Variants in EBF3 observed in about 807,000 individuals in gnomAD.
The protein encoded by EBF3 is transcription factor COE3.
A neutral mutation model predicts 77.1 loss-of-function variants in EBF3; 18 were observed. That is an observed-to-expected ratio of 0.23 (90% CI 0.16 to 0.35). The LOEUF (loss-of-function observed/expected upper bound fraction) is 0.35. Among genes scored for constraint, EBF3 ranks in the 10% least tolerant of loss-of-function variants. EBF3 has a pLI of 1.00. For synonymous variants in EBF3, 350 were observed against 343.5 expected, an observed-to-expected ratio of 1.02 and a Z score of -0.21; for missense variants, 558 against 860.0, an observed-to-expected ratio of 0.65 and a Z score of 4.39.
chr10:129,886,727 T>C (rs1853614192), intron 6 of EBF3, among the ~76,000 whole-genome samples: 1 of 152,172 alleles, frequency 6.6e-6, no homozygotes, highest in South Asian at 2.1e-4. Context: ...CAGAGCTGAC[T>C]GGGTTTCTTT....
At chr10:129,942,360 A>C (rs2134498120) in intron 6 of EBF3, among the ~76,000 whole-genome samples, 1 of 152,374 alleles carries the variant, frequency 6.6e-6, no homozygotes, top group East Asian at 1.9e-4. Flanking sequence ...CCAAAATCAC[A>C]AAAACAAGAA....
chr10:129,840,461 G>A lies in EBF3; in HGVS notation c.1562-19C>T, dbSNP rs1233718188. 10 of 1,546,484 alleles carry A rather than the reference G, an allele frequency of 6.5e-6. 1 individual carries two copies. The highest frequency in any genetic ancestry group is 1.7e-4 in the Middle Eastern group (1 of 5,904). On this transcript the variant is annotated intron_variant, in intron 14 of 16. Coordinates refer to ENST00000440978, the MANE Select transcript of EBF3 (RefSeq NM_001375380.1). Reference sequence around the variant, plus strand: ...GGCACTACTGCAACAAAGCAAACACGGTCAGCACGCGCGGCCGCGGCACAG... The same window carrying A: ...GGCACTACTGCAACAAAGCAAACACAGTCAGCACGCGCGGCCGCGGCACAG...
At chr10:129,888,072 G>C (rs1250317978) in intron 6 of EBF3, among the ~76,000 whole-genome samples, 1 of 152,226 alleles carries the variant, frequency 6.6e-6, no homozygotes, top group East Asian at 1.9e-4. Flanking sequence ...AAAAGGACTT[G>C]AATTTCTTGC....
At chr10:129,865,873 T>C (rs886666136) in intron 10 of EBF3, among the ~76,000 whole-genome samples, 2 of 152,178 alleles carry the variant, frequency 1.3e-5, no homozygotes, top group African/African-American at 4.8e-5. Context: ...CAGGTGGTGA[T>C]GGCAGGAGTT....
intron 8 of EBF3, among the ~76,000 whole-genome samples, chr10:129,872,724 T>C (rs1852487716): frequency 1.3e-5 from 2 of 152,204 alleles, no homozygotes; most frequent in Non-Finnish European, 2.9e-5. Flanking sequence ...GAAGTGGCTC[T>C]TATTCTAAAG....
chr10:129,863,843 C>G lies in EBF3; in HGVS notation c.1039+3298G>C, dbSNP rs374212806. 4.6e-5 allele frequency among the ~76,000 whole-genome samples: 7 copies of G among 152,300 alleles called. No individual in the cohort carries two copies. The South Asian group carries it at 1.5e-3, about 32-fold the overall frequency. On this transcript the variant is annotated intron_variant, in intron 10 of 16. Transcript: ENST00000440978. The surrounding 1 kb of genome is among the most constrained non-coding windows in gnomAD (Gnocchi z 4.0). The stretch of plus-strand genomic sequence containing the variant: ...TGTAGAGCCTGTATCCCTTACATCA[C>G]CTTTGAAATGGATATTCCTGTTAAT...
rs1387657273 is a variant in EBF3 at position 129,897,523 on chromosome 10, T to C, written c.555-19674A>G. Reference sequence around the variant, plus strand: ...AGACCTAACAAACAGAGGCAACACCTATGCAGGAACTTCCTGGGAAAATAC... The same window carrying C: ...AGACCTAACAAACAGAGGCAACACCCATGCAGGAACTTCCTGGGAAAATAC... On this transcript the variant is annotated intron_variant, in intron 6 of 16. Transcript: ENST00000440978. The surrounding 1 kb of genome is among the most constrained non-coding windows in gnomAD (Gnocchi z 4.6). 6.6e-6 allele frequency among the ~76,000 whole-genome samples: 1 copy of C among 151,824 alleles called. No homozygotes were observed. Among genetic ancestry groups the C allele is most frequent in the Admixed American group, 6.6e-5 (1 of 15,250 alleles).
chr10:129,841,260 G>A lies in EBF3; in HGVS notation c.1373-228C>T, dbSNP rs1432571418. 6.6e-6 allele frequency among the ~76,000 whole-genome samples: 1 copy of A among 152,096 alleles called. No individual in the cohort carries two copies. The highest frequency in any genetic ancestry group is 1.5e-5 in the Non-Finnish European group (1 of 68,010). ...TCTGCTGGCTTCAACAGCCAGCCGG[G>A]GCGCGCTTCGATCTCGCCGTCAGTG... On this transcript the variant is annotated intron_variant, in intron 13 of 16. Coordinates refer to ENST00000440978, the MANE Select transcript of EBF3 (RefSeq NM_001375380.1). This position sits in a 1 kb window ranked among gnomAD's most constrained non-coding sequence, Gnocchi z 4.6.
chr10:129,876,134 CTG>C lies in EBF3; in HGVS notation c.636+1632_636+1633del, dbSNP rs1323504473. Among the ~76,000 whole-genome samples the C allele has an allele frequency of 2.0e-5, 3 of 152,358 alleles. No individual in the cohort carries two copies. In the East Asian group the frequency reaches 5.8e-4, roughly 29 times the overall value. On this transcript the variant is annotated intron_variant, in intron 7 of 16. Transcript: ENST00000440978. ...GCAGAGAGAGCAGGCAAGCTGTGCTCTGTGTCTCACCTGGGCTGTAGCACCTA... is the reference window on the plus strand; with the variant it reads ...GCAGAGAGAGCAGGCAAGCTGTGCTCTGTCTCACCTGGGCTGTAGCACCTA...
At chr10:129,895,690 GGTGT>G (rs1017630856) in intron 6 of EBF3, among the ~76,000 whole-genome samples, 8 of 152,138 alleles carry the variant, frequency 5.3e-5, no homozygotes, top group Non-Finnish European at 1.0e-4. Flanking sequence ...GACAAGGGCT[GGTGT>G]GCAGAAATGC....
chr10:129,880,746 G>A (rs752126705), intron 6 of EBF3, among the ~76,000 whole-genome samples: 2 of 152,324 alleles, frequency 1.3e-5, no homozygotes, highest in South Asian at 2.1e-4. Context: ...CTACAGGGAC[G>A]GACAGAGGGG....
chr10:129,841,927 T>C lies in EBF3; in HGVS notation c.1372+189A>G, dbSNP rs61874500. 0.038 allele frequency among the ~76,000 whole-genome samples: 5,723 copies of C among 152,248 alleles called. 151 individuals carry two copies. The highest frequency in any genetic ancestry group is 0.071 in the Middle Eastern group (21 of 294). On this transcript the variant is annotated intron_variant, in intron 13 of 16. Coordinates refer to ENST00000440978, the MANE Select transcript of EBF3 (RefSeq NM_001375380.1). The surrounding 1 kb of genome is among the most constrained non-coding windows in gnomAD (Gnocchi z 4.6). Reference sequence around the variant, plus strand: ...TTTAGTAACTGGGCTCTCTGAGTGTTCTTACCCCAGCACTGGCTGGGAGGA... The same window carrying C: ...TTTAGTAACTGGGCTCTCTGAGTGTCCTTACCCCAGCACTGGCTGGGAGGA...
chr10:129,961,077 T>C (rs900591528), intron 4 of EBF3, among the ~76,000 whole-genome samples: 1 of 152,150 alleles, frequency 6.6e-6, no homozygotes, highest in Non-Finnish European at 1.5e-5. Flanking sequence ...ACAAACTTTT[T>C]AAAGGGGAAA....
chr10:129,945,961 A>G (rs1462413451), intron 6 of EBF3, among the ~76,000 whole-genome samples: 1 of 152,006 alleles, frequency 6.6e-6, no homozygotes, highest in Non-Finnish European at 1.5e-5. Context: ...TATTTTATTC[A>G]GGGCATTAGT....
intron 8 of EBF3, 73 bp from the exon 9 acceptor site, chr10:129,867,985 C>G: frequency 6.4e-7 from 1 of 1,570,164 alleles, no homozygotes; most frequent in Non-Finnish European, 8.6e-7. Context: ...TCGGCCACCG[C>G]GCGTCCCGCG....
At chr10:129,867,696 C>T (rs759511195) in intron 9 of EBF3, 86 bp downstream of exon 9, 41 of 1,575,154 alleles carry the variant, frequency 2.6e-5, no homozygotes, top group Non-Finnish European at 3.5e-5. Context: ...CCATAGGGCA[C>T]CTTGTGTCAA....
intron 6 of EBF3, among the ~76,000 whole-genome samples, chr10:129,893,945 G>A (rs919596616): frequency 4.6e-5 from 7 of 152,176 alleles, no homozygotes; most frequent in African/African-American, 7.2e-5. Flanking sequence ...GCCACCCTCC[G>A]TTTGGGGTGA....
At chr10:129,868,032 C>T in intron 8 of EBF3, 120 bp from the exon 9 acceptor site, 3 of 1,415,102 alleles carry the variant, frequency 2.1e-6, no homozygotes, top group Non-Finnish European at 2.8e-6. Context: ...TTCCTCCAGG[C>T]GGCACGCAAA....
At chr10:129,946,512 G>A (rs945917344) in intron 6 of EBF3, among the ~76,000 whole-genome samples, 12 of 152,214 alleles carry the variant, frequency 7.9e-5, no homozygotes, top group Admixed American at 2.6e-4. Context: ...CATAAGCCTC[G>A]CTTTATTCAC....
Sources: allele counts gnomAD v4.1 joint callset (sites outside exome capture counted in the v4.1 genomes callset), GRCh38; gene constraint gnomAD v4.1.1; non-coding constraint Gnocchi (gnomAD v3.1); transcripts MANE v1.5; gene names NCBI Gene and HGNC (gene_info 2026-07-23, HGNC 2026-07-21).